The following MFN1 variants were observed in gnomAD, a reference collection of about 807,000 sequenced individuals.
The protein encoded by MFN1 is mitofusin 1, also known as mitofusin-1.
MFN1 carries 65 observed loss-of-function variants against 92.4 expected under a neutral mutation model. The observed-to-expected ratio is 0.70, with a 90% CI of 0.58 to 0.86. The LOEUF is 0.86. MFN1 is among the 40% of genes least tolerant of loss of function. The pLI is 0.00. For synonymous variants in MFN1, 297 were observed against 300.9 expected (o/e 0.99, Z 0.13); for missense variants, 781 against 868.0 (o/e 0.90, Z 1.26).
rs1208408336 is a variant in MFN1 at position 179,380,635 on chromosome 3, T to C, written c.1662+1821T>C. Among the ~76,000 whole-genome samples, 3 of 152,218 alleles carry C rather than the reference T, an allele frequency of 2.0e-5. No homozygotes were observed. The East Asian group carries it at 5.8e-4, about 29-fold the overall frequency. On this transcript the variant is annotated intron_variant, in intron 14 of 17. Coordinates refer to ENST00000471841, the MANE Select transcript of MFN1 (RefSeq NM_033540.3). ...TGAAATTCTTATTAAAAAAAGTGTTTCATTATTTCAACCTTGTGACCAGGG... is the reference window on the plus strand; with the variant it reads ...TGAAATTCTTATTAAAAAAAGTGTTCCATTATTTCAACCTTGTGACCAGGG...
At chr3:179,381,208 A>G (rs1314050473) in intron 14 of MFN1, among the ~76,000 whole-genome samples, 1 of 152,232 alleles carries the variant, frequency 6.6e-6, no homozygotes, top group Non-Finnish European at 1.5e-5. Context: ...AGAACAAGAA[A>G]TAGGTTTATA....
chr3:179,373,575 A>G (rs1490246759), intron 9 of MFN1, among the ~76,000 whole-genome samples: 1 of 152,186 alleles, frequency 6.6e-6, no homozygotes, highest in East Asian at 1.9e-4. Context: ...CTTATAAAAC[A>G]TCTATAGTAC....
chr3:179,353,663 CAG>C (rs1268629900), intron 3 of MFN1, among the ~76,000 whole-genome samples: 2 of 152,286 alleles, frequency 1.3e-5, no homozygotes, highest in African/African-American at 4.8e-5. Flanking sequence ...TGTAACAGTC[CAG>C]AGTGATAGGG....
chr3:179,380,900 TGAG>T (rs1460513245), intron 14 of MFN1, among the ~76,000 whole-genome samples: 2 of 151,948 alleles, frequency 1.3e-5, no homozygotes, highest in African/African-American at 2.4e-5. Context: ...TTATTGATGA[TGAG>T]GAGCAAATTG....
intron 17 of MFN1, among the ~76,000 whole-genome samples, chr3:179,391,356 T>TA (rs539991291): frequency 1.4e-4 from 22 of 151,962 alleles, no homozygotes; most frequent in Middle Eastern, 3.4e-3. Flanking sequence ...AGAAAAAAGT[T>TA]AAAAAAAACA....
At chr3:179,376,288 C>T (rs1364926701) in intron 10 of MFN1, among the ~76,000 whole-genome samples, 3 of 152,184 alleles carry the variant, frequency 2.0e-5, no homozygotes, top group Admixed American at 1.3e-4. Flanking sequence ...TTAATTAGAT[C>T]GTGCTGCTAT....
chr3:179,373,708 C>G (rs1577010807), intron 9 of MFN1, among the ~76,000 whole-genome samples: 1 of 151,938 alleles, frequency 6.6e-6, no homozygotes, highest in Non-Finnish European at 1.5e-5. Flanking sequence ...GAGTCTCGCT[C>G]TGTCGCCCAG....
At chr3:179,386,670 T>G in intron 16 of MFN1, 41 bp downstream of exon 16, 1 of 1,545,030 alleles carries the variant, frequency 6.5e-7, no homozygotes, top group Non-Finnish European at 8.8e-7. Flanking sequence ...AAAAAGTTAC[T>G]GAAATATGAC....
chr3:179,377,880 T>C (rs1410688936), intron 12 of MFN1, among the ~76,000 whole-genome samples: 1 of 151,696 alleles, frequency 6.6e-6, no homozygotes, highest in Non-Finnish European at 1.5e-5. Flanking sequence ...CTGACCAACA[T>C]GGTGAAACCC....
chr3:179,391,948 G>A, intron 17 of MFN1, 33 bp from the exon 18 acceptor site: 3 of 1,371,982 alleles, frequency 2.2e-6, no homozygotes, highest in Non-Finnish European at 2.1e-6. Context: ...GACCTTTATA[G>A]TAATTAGATT....
intron 14 of MFN1, among the ~76,000 whole-genome samples, chr3:179,379,616 A>T (rs772376058): frequency 2.0e-5 from 3 of 152,152 alleles, no homozygotes; most frequent in Non-Finnish European, 4.4e-5. Context: ...AGCCTCCCAA[A>T]GTGTTGGGAT....
chr3:179,351,013 C>G (rs1418187833), intron 2 of MFN1, among the ~76,000 whole-genome samples: 1 of 152,140 alleles, frequency 6.6e-6, no homozygotes. Context: ...CCATATTGTT[C>G]AGGCTGGTCA....
In MFN1 at chr3:179,362,481, A is replaced by G. The variant is rs1272950120; in HGVS notation, c.535A>G (p.Ser179Gly). The G allele has an allele frequency of 4.3e-6, 7 of 1,612,014 alleles. No homozygotes were observed. Among genetic ancestry groups the G allele is most frequent in the Non-Finnish European group, 5.9e-6 (7 of 1,179,254 alleles). ...LLRDDLVLVD[S>G]PGTDVTTELD... is the part of the protein sequence containing the mutation. ...GAGAGATGACCTGGTGTTAGTAGAC[A>G]GGTAAAATTACATGTGGATTGCATT... Residue 179 changes from serine (S) to glycine (G), a missense_variant and splice_region_variant, in exon 5 of 18, where the codon AGT becomes GGT. Coordinates refer to ENST00000471841, the MANE Select transcript of MFN1 (RefSeq NM_033540.3).
chr3:179,389,940 C>T, intron 16 of MFN1, 64 bp from the exon 17 acceptor site: 1 of 1,441,392 alleles, frequency 6.9e-7, no homozygotes, highest in Non-Finnish European at 9.4e-7. Flanking sequence ...TTTATGTGAG[C>T]TTTAAATTAA....
At chr3:179,349,966 A>G (rs1712078941) in intron 2 of MFN1, among the ~76,000 whole-genome samples, 1 of 152,018 alleles carries the variant, frequency 6.6e-6, no homozygotes. Context: ...AGCCTGATCA[A>G]CATGGTGAAA....
At chr3:179,378,218 CA>C (rs35435588) in intron 12 of MFN1, 122 bp from the exon 13 acceptor site, 54,263 of 596,152 alleles carry the variant, frequency 0.091, 20 homozygotes, top group East Asian at 0.16. Context: ...GACCCTGTCT[CA>C]AAAAAAAAAA....
rs2108528648 is a variant in MFN1, at chr3:179,358,837, C to T, written c.249-3C>T. 6.2e-7 allele frequency: 1 copy of T among 1,607,682 alleles called. No homozygotes were observed. The highest frequency in any genetic ancestry group is 8.5e-7 in the Non-Finnish European group (1 of 1,177,358). ...GTTTTTCATGATTTTGTATATTCTT[C>T]AGGACAAGCAGTGGGAAGAGCTCTG... On this transcript the variant is annotated splice_polypyrimidine_tract_variant and splice_region_variant and intron_variant, in intron 3 of 17. Coordinates refer to ENST00000471841, the MANE Select transcript of MFN1 (RefSeq NM_033540.3).
intron 15 of MFN1, 47 bp from the exon 16 acceptor site, chr3:179,386,386 A>G: frequency 6.7e-7 from 1 of 1,483,688 alleles, no homozygotes; most frequent in East Asian, 2.3e-5. Context: ...GTACTCTCCA[A>G]AGTGGTGTTT....
intron 3 of MFN1, among the ~76,000 whole-genome samples, chr3:179,354,396 G>A (rs962362606): frequency 2.2e-4 from 33 of 152,174 alleles, no homozygotes; most frequent in Non-Finnish European, 2.2e-4. Context: ...ATGGTAAGGC[G>A]TTCTGCATTC....
Sources: gnomAD v4.1 joint callset for allele counts (sites outside exome capture counted in the v4.1 genomes callset) on GRCh38, gnomAD v4.1.1 for gene constraint, MANE v1.5 for transcripts, NCBI Gene and HGNC (gene_info 2026-07-23, HGNC 2026-07-21) for gene names.